The following POU3F3 variants were observed in gnomAD, a reference collection of about 807,000 sequenced individuals.
POU3F3 encodes POU domain, class 3, transcription factor 3.
Under a neutral mutation model 8.6 loss-of-function variants are expected in POU3F3, and 1 was observed. That is an observed-to-expected ratio of 0.12 (90% CI 0.04 to 0.55). POU3F3 has a LOEUF of 0.55. Among genes scored for constraint, POU3F3 ranks in the 20% least tolerant of loss-of-function variants. The pLI, the probability that POU3F3 is intolerant of heterozygous loss-of-function variation, is 0.91. For synonymous variants in POU3F3, 418 were observed against 327.4 expected, an observed-to-expected ratio of 1.28 and a Z score of -2.99; for missense variants, 577 against 690.7, an observed-to-expected ratio of 0.84 and a Z score of 1.84.
the POU3F3 span, chr2:104,868,363 G>A: frequency 2.0e-5 from 9 of 456,584 alleles, no homozygotes; most frequent in South Asian, 4.6e-5. Flanking sequence ...TTTCTCCTCC[G>A]CCGACAAAGT....
At chr2:104,913,736 T>C in the POU3F3 span, among the ~76,000 whole-genome samples, 1 of 152,272 alleles carries the variant, frequency 6.6e-6, no homozygotes, top group Non-Finnish European at 1.5e-5. Context: ...ACAGAAAACG[T>C]ACCTGTACCT....
chr2:104,876,972 G>GCC, the POU3F3 span, among the ~76,000 whole-genome samples: 1 of 152,264 alleles, frequency 6.6e-6, no homozygotes, highest in Middle Eastern at 3.4e-3. Context: ...TGCTCCATCT[G>GCC]CCCCCAAGGG....
At chr2:104,893,653 G>A in the POU3F3 span, among the ~76,000 whole-genome samples, 5 of 152,080 alleles carry the variant, frequency 3.3e-5, no homozygotes, top group South Asian at 2.1e-4. Flanking sequence ...AGGCTGAGGC[G>A]GGCAGATCAC....
Position 104,856,665 on chromosome 2 carries a change from G to A in POU3F3, c.1155G>A (p.Glu385=), listed in dbSNP as rs1676572924. 6.2e-7 allele frequency: 1 copy of A among 1,614,192 alleles called. No homozygotes were observed. The highest frequency in any genetic ancestry group is 8.5e-7 in the Non-Finnish European group (1 of 1,180,046). ...AGCCGCTGCTGAACAAGTGGCTGGA[G>A]GAGGCGGACTCAAGCACCGGCAGCC... The part of the protein sequence containing the change: ...KLKPLLNKWL[E]EADSSTGSPT... Residue 385 remains glutamate (E), a synonymous_variant, in exon 1 of 1, where the codon GAG becomes GAA. Transcript: ENST00000361360.
the POU3F3 span, among the ~76,000 whole-genome samples, chr2:104,920,682 A>T: frequency 6.6e-6 from 1 of 152,292 alleles, no homozygotes; most frequent in South Asian, 2.1e-4. Flanking sequence ...TGAAGTCAAT[A>T]CCACATATTT....
At chr2:104,889,533 A>G in the POU3F3 span, among the ~76,000 whole-genome samples, 2 of 152,178 alleles carry the variant, frequency 1.3e-5, no homozygotes, top group African/African-American at 4.8e-5. Context: ...TATATACCTT[A>G]CAAATGGGAA....
At chr2:104,920,515 C>T in the POU3F3 span, among the ~76,000 whole-genome samples, 1 of 152,058 alleles carries the variant, frequency 6.6e-6, no homozygotes, top group Non-Finnish European at 1.5e-5. Flanking sequence ...TTAAATTGAC[C>T]CGACCAATTT....
the POU3F3 span, among the ~76,000 whole-genome samples, chr2:104,885,405 T>A: frequency 1.3e-5 from 2 of 152,118 alleles, no homozygotes; most frequent in Non-Finnish European, 2.9e-5. Flanking sequence ...CACGATGAAA[T>A]AGGAGATCAG....
chr2:104,882,685 A>G, the POU3F3 span, among the ~76,000 whole-genome samples: 1 of 152,220 alleles, frequency 6.6e-6, no homozygotes, highest in Non-Finnish European at 1.5e-5. Flanking sequence ...TCAAACATTG[A>G]TGGTCAGAGT....
At chr2:104,899,908 G>A in the POU3F3 span, among the ~76,000 whole-genome samples, 4 of 152,206 alleles carry the variant, frequency 2.6e-5, no homozygotes, top group Non-Finnish European at 2.9e-5. Context: ...CAACCACGCA[G>A]GTGAAATACA....
chr2:104,867,973 C>A, the POU3F3 span: 1 of 274,790 alleles, frequency 3.6e-6, no homozygotes, highest in Non-Finnish European at 7.3e-6. The surrounding 1 kb of genome is among the most constrained non-coding windows in gnomAD (Gnocchi z 5.0). Flanking sequence ...TCGGCGCCCC[C>A]TGCCACCATA....
chr2:104,896,781 C>G, the POU3F3 span, among the ~76,000 whole-genome samples: 1 of 152,232 alleles, frequency 6.6e-6, no homozygotes, highest in Non-Finnish European at 1.5e-5. Flanking sequence ...CCTGGAGAAG[C>G]CTGTTTGAGT....
the POU3F3 span, among the ~76,000 whole-genome samples, chr2:104,885,323 G>A: frequency 1.3e-5 from 2 of 152,190 alleles, no homozygotes; most frequent in African/African-American, 2.4e-5. Context: ...ACTCCATCTT[G>A]AATAGAGGCT....
At chr2:104,860,617 A>G (rs1490317801), downstream of POU3F3, among the ~76,000 whole-genome samples, 1 of 151,994 alleles carries the variant, frequency 6.6e-6, no homozygotes, top group Non-Finnish European at 1.5e-5. Flanking sequence ...GCCCACTTAC[A>G]GTTTACAGTC....
the POU3F3 span, among the ~76,000 whole-genome samples, chr2:104,892,153 C>T: frequency 6.6e-6 from 1 of 152,128 alleles, no homozygotes; most frequent in South Asian, 2.1e-4. Context: ...GGGCCAGGTA[C>T]CCTTCACCTA....
chr2:104,926,891 A>T, the POU3F3 span, among the ~76,000 whole-genome samples: 2 of 152,320 alleles, frequency 1.3e-5, no homozygotes, highest in East Asian at 3.9e-4. Context: ...GTGGGAGTTG[A>T]ACAATGAGAA....
At chr2:104,862,338 A>G (rs534224012), downstream of POU3F3, among the ~76,000 whole-genome samples, 16 of 152,204 alleles carry the variant, frequency 1.1e-4, no homozygotes, top group Non-Finnish European at 1.3e-4. Flanking sequence ...TGTGTGCGCT[A>G]GTGTGTGCGC....
chr2:104,889,908 A>C, the POU3F3 span, among the ~76,000 whole-genome samples: 1 of 152,206 alleles, frequency 6.6e-6, no homozygotes, highest in South Asian at 2.1e-4. Flanking sequence ...TTTTCTTGTA[A>C]GTTTTTTTTT....
the POU3F3 span, among the ~76,000 whole-genome samples, chr2:104,873,438 C>T: frequency 6.6e-6 from 1 of 152,110 alleles, no homozygotes; most frequent in African/African-American, 2.4e-5. Flanking sequence ...CGTGAGCGCG[C>T]CCCAGCCCTG....
Sources: gnomAD v4.1 joint callset for allele counts (sites outside exome capture counted in the v4.1 genomes callset) on GRCh38, gnomAD v4.1.1 for gene constraint, Gnocchi (gnomAD v3.1) non-coding constraint, MANE v1.5 for transcripts, NCBI Gene and HGNC (gene_info 2026-07-23, HGNC 2026-07-21) for gene names.